The following CYP2C8 variants were observed in gnomAD, a reference collection of about 807,000 sequenced individuals.
The protein encoded by CYP2C8 is cytochrome P450 2C8.
CYP2C8 carries 51 observed loss-of-function variants against 41.3 expected under a neutral mutation model. That is an observed-to-expected ratio of 1.24 (90% CI 0.99 to 1.56). The LOEUF is 1.56. CYP2C8 is among the 40% of genes most tolerant of loss of function. CYP2C8 has a pLI of 0.00. For missense variants in CYP2C8, 651 were observed against 579.9 expected, an observed-to-expected ratio of 1.12 and a Z score of -1.26; for synonymous variants, 218 against 205.8, an observed-to-expected ratio of 1.06 and a Z score of -0.51.
At chr10:95,061,710 T>C (rs1191169766) in intron 4 of CYP2C8, among the ~76,000 whole-genome samples, 2 of 152,238 alleles carry the variant, frequency 1.3e-5, no homozygotes, top group African/African-American at 2.4e-5. Context: ...CTTGCTTCTC[T>C]AGTTCTTTCA....
chr10:95,067,434 G>C, intron 2 of CYP2C8, 77 bp from the exon 3 acceptor site: 3 of 1,613,252 alleles, frequency 1.9e-6, no homozygotes, highest in Non-Finnish European at 2.5e-6. Flanking sequence ...CAGCCATGCA[G>C]ATAGGCTAAG....
rs11572084 is a variant in CYP2C8 at position 95,067,086 on chromosome 10, A to C, written c.481+122T>G. On this transcript the variant is annotated intron_variant, in intron 3 of 8. Transcript: ENST00000371270. Reference sequence around the variant, plus strand: ...TCTGTGCTTCAAATCTCCCTCCACCACCTGAGGGCTGACAACCAGGATGCG... The same window carrying C: ...TCTGTGCTTCAAATCTCCCTCCACCCCCTGAGGGCTGACAACCAGGATGCG... 993 of 1,362,930 alleles carry C rather than the reference A, an allele frequency of 7.3e-4. 5 individuals carry two copies. The African/African-American group carries it at 0.013, about 17-fold the overall frequency. 84.4% of individuals were successfully genotyped at this position (1,362,930 alleles called of 1,614,324 possible). A position where few individuals can be genotyped will look rare whatever the true frequency, so the allele number is the denominator to read the frequency against.
intron 5 of CYP2C8, among the ~76,000 whole-genome samples, chr10:95,054,777 A>G (rs1481727873): frequency 6.6e-6 from 1 of 152,188 alleles, no homozygotes; most frequent in Non-Finnish European, 1.5e-5. Context: ...CAATATGAAA[A>G]TAAAATCAAG....
intron 5 of CYP2C8, among the ~76,000 whole-genome samples, chr10:95,053,006 A>T (rs2033240139): frequency 6.7e-6 from 1 of 150,186 alleles, no homozygotes; most frequent in Non-Finnish European, 1.5e-5. Flanking sequence ...AATTATACTC[A>T]TTTGCAGAGA....
chr10:95,049,761 A>C (rs1356794501), intron 5 of CYP2C8, among the ~76,000 whole-genome samples: 1 of 152,050 alleles, frequency 6.6e-6, no homozygotes, highest in Non-Finnish European at 1.5e-5. Context: ...ACCTACTGAG[A>C]CAGCAGCTGG....
chr10:95,043,864 GCACACACA>G (rs58419621), intron 6 of CYP2C8, among the ~76,000 whole-genome samples: 2 of 139,268 alleles, frequency 1.4e-5, no homozygotes, highest in Admixed American at 7.0e-5. Flanking sequence ...ACTCACAGAA[GCACACACA>G]CACACACACA....
chr10:95,068,464 A>G (rs2033615235), intron 1 of CYP2C8: 2 of 573,588 alleles, frequency 3.5e-6, no homozygotes, highest in Admixed American at 2.6e-5. Flanking sequence ...CCCTGAACCC[A>G]CAGATATTTA....
intron 4 of CYP2C8, among the ~76,000 whole-genome samples, chr10:95,063,970 GC>G (rs1468091764): frequency 1.3e-5 from 2 of 152,158 alleles, no homozygotes; most frequent in Non-Finnish European, 2.9e-5. Flanking sequence ...AAATGTTGCT[GC>G]CCGATCGTTC....
chr10:95,056,567 A>T (rs2033318243), intron 5 of CYP2C8, among the ~76,000 whole-genome samples: 1 of 152,222 alleles, frequency 6.6e-6, no homozygotes, highest in Non-Finnish European at 1.5e-5. Context: ...TTATTGAACC[A>T]CACAAAACAA....
At chr10:95,062,729 C>T (rs1355871916) in intron 4 of CYP2C8, among the ~76,000 whole-genome samples, 6 of 152,132 alleles carry the variant, frequency 3.9e-5, no homozygotes, top group Non-Finnish European at 5.9e-5. Context: ...CAGTTTCTTC[C>T]GAGCCTTGAT....
rs2134403850 is a variant in CYP2C8, at chr10:95,037,320, CAAAG to C, written c.1292-15_1292-12del. The C allele has an allele frequency of 1.2e-6, 2 of 1,612,152 alleles. No homozygotes were observed. The highest frequency in any genetic ancestry group is 1.7e-6 in the Non-Finnish European group (2 of 1,179,210). ...CACAAATTCGTTTTCCTGAAGATAA[CAAAG>C]AAAGGAAGTAGTTACTCCTTGTGTT... On this transcript the variant is annotated splice_polypyrimidine_tract_variant and intron_variant, in intron 8 of 8. Transcript: ENST00000371270.
In CYP2C8 at chr10:95,069,409, C is replaced by T. The variant is rs1564743981; in HGVS notation, c.-7G>A. The T allele has an allele frequency of 1.9e-6, 3 of 1,613,664 alleles. No individual in the cohort carries two copies. In the East Asian group the frequency reaches 6.7e-5, roughly 36 times the overall value. On this transcript the variant is annotated 5_prime_UTR_variant, in exon 1 of 9. Coordinates refer to ENST00000371270, the MANE Select transcript of CYP2C8 (RefSeq NM_000770.3). ...GGACCACAAAAGGTTCCATTGAAGC[C>T]TTCTCTTCTTATTAAGACAGCTGTG...
intron 4 of CYP2C8, among the ~76,000 whole-genome samples, chr10:95,062,656 G>T (rs942953633): frequency 6.6e-6 from 1 of 152,056 alleles, no homozygotes; most frequent in Non-Finnish European, 1.5e-5. Flanking sequence ...GGTTAATATT[G>T]TTATGCTTGA....
At chr10:95,047,201 C>T (rs1031430081) in intron 5 of CYP2C8, among the ~76,000 whole-genome samples, 6 of 152,272 alleles carry the variant, frequency 3.9e-5, no homozygotes, top group East Asian at 1.9e-4. Context: ...CCTGCAGAAC[C>T]GTGAGCCAAT....
intron 6 of CYP2C8, 90 bp downstream of exon 6, chr10:95,045,720 C>G: frequency 6.7e-7 from 1 of 1,492,822 alleles, no homozygotes. Context: ...AAAGAATGAG[C>G]CTTCTCTGAG....
chr10:95,041,043 C>A, intron 7 of CYP2C8: 2 of 453,098 alleles, frequency 4.4e-6, no homozygotes, highest in South Asian at 1.6e-5. Flanking sequence ...AGTAACAGAA[C>A]AAATCCAGCT....
chr10:95,063,284 C>T (rs1421240943), intron 4 of CYP2C8, among the ~76,000 whole-genome samples: 7 of 152,204 alleles, frequency 4.6e-5, no homozygotes, highest in Middle Eastern at 3.2e-3. Flanking sequence ...ACCAATCAGA[C>T]GTAGATTTGG....
rs757789288 is a variant in CYP2C8, at chr10:95,069,342, T to A, written c.61A>T (p.Arg21Ter). The change falls in exon 1 of 9, where the codon AGA becomes TGA. Residue 21 changes from arginine to a stop codon, truncating the protein, a stop_gained. Transcript: ENST00000371270. LOFTEE classifies it high-confidence loss of function. ...AGCTTCCTTCTCCTACAGCTCTGTC[T>A]CCAGAGTGAAAAGAGAAGCATAAAA... ...LSFMLLFSLWRQSCRRRKLPP... is the reference protein window; with the variant it reads ...LSFMLLFSLW 4 of 1,614,044 alleles carry A rather than the reference T, an allele frequency of 2.5e-6. No homozygotes were observed. The South Asian group carries it at 4.4e-5, about 18-fold the overall frequency.
chr10:95,053,628 A>G (rs747152546), intron 5 of CYP2C8, among the ~76,000 whole-genome samples: 4 of 152,214 alleles, frequency 2.6e-5, no homozygotes, highest in Admixed American at 1.3e-4. Flanking sequence ...GACATGGATG[A>G]AGCTGGAAAC....
Sources: allele counts gnomAD v4.1 joint callset (sites outside exome capture counted in the v4.1 genomes callset), GRCh38; gene constraint gnomAD v4.1.1; transcripts MANE v1.5; gene names NCBI Gene and HGNC (gene_info 2026-07-23, HGNC 2026-07-21).